The following ARMC3 variants were observed in gnomAD, a reference collection of about 807,000 sequenced individuals.
ARMC3 encodes the protein armadillo repeat-containing protein 3.
A neutral mutation model predicts 90.3 loss-of-function variants in ARMC3; 74 were observed. The observed-to-expected ratio is 0.82, with a 90% CI of 0.68 to 0.99. ARMC3 has a LOEUF of 0.99. Ranked by LOEUF, ARMC3 falls within the 50% of genes least tolerant of loss-of-function variation. The pLI is 0.00. For missense variants in ARMC3, 958 were observed against 1,042.8 expected (o/e 0.92, Z 1.12); for synonymous variants, 334 against 361.8 (o/e 0.92, Z 0.87).
intron 2 of ARMC3, among the ~76,000 whole-genome samples, chr10:22,938,928 AT>A (rs1260474592): frequency 6.6e-6 from 1 of 152,196 alleles, no homozygotes; most frequent in Admixed American, 6.5e-5. Flanking sequence ...TTCAAGTATT[AT>A]TGTATTATTT....
At chr10:23,001,484 G>C (rs974733819) in intron 11 of ARMC3, among the ~76,000 whole-genome samples, 1 of 152,110 alleles carries the variant, frequency 6.6e-6, no homozygotes, top group African/African-American at 2.4e-5. Flanking sequence ...GCTAATCCAG[G>C]ATAACCTCCC....
At chr10:23,000,393 C>T (rs906703721) in intron 11 of ARMC3, among the ~76,000 whole-genome samples, 2 of 152,130 alleles carry the variant, frequency 1.3e-5, no homozygotes, top group East Asian at 3.9e-4. Flanking sequence ...AACTAGGGTA[C>T]ATCTTTCTCT....
intron 13 of ARMC3, among the ~76,000 whole-genome samples, chr10:23,005,384 AT>A (rs1837549749): frequency 6.6e-6 from 1 of 152,126 alleles, no homozygotes; most frequent in Non-Finnish European, 1.5e-5. Context: ...TAACGAGACA[AT>A]TTCTTTTTTA....
At chr10:22,981,144 GA>G (rs1836165090) in intron 8 of ARMC3, among the ~76,000 whole-genome samples, 195 bp from the exon 9 acceptor site, 1 of 151,918 alleles carries the variant, frequency 6.6e-6, no homozygotes, top group African/African-American at 2.4e-5. Context: ...AAGGGAATAG[GA>G]AAAAACATCC....
At chr10:23,036,837 C>T (rs1332583048) in intron 18 of ARMC3, among the ~76,000 whole-genome samples, 1 of 152,186 alleles carries the variant, frequency 6.6e-6, no homozygotes, top group Admixed American at 6.5e-5. Flanking sequence ...CCTCTCCTGC[C>T]CCATGGCACG....
intron 16 of ARMC3, among the ~76,000 whole-genome samples, chr10:23,010,805 C>T (rs1220210101): frequency 8.3e-6 from 1 of 120,448 alleles, no homozygotes; most frequent in Non-Finnish European, 1.7e-5. Flanking sequence ...TTTGCTCTCT[C>T]TCCCTGCTCC....
chr10:23,013,300 C>T (rs1226211056), intron 16 of ARMC3, among the ~76,000 whole-genome samples: 1 of 152,164 alleles, frequency 6.6e-6, no homozygotes, highest in Non-Finnish European at 1.5e-5. Flanking sequence ...CATGGCCCAC[C>T]CTGGAATAGC....
At chr10:23,014,270 G>A (rs1838165334) in intron 16 of ARMC3, 1 of 1,475,322 alleles carries the variant, frequency 6.8e-7, no homozygotes, top group Non-Finnish European at 9.0e-7. Flanking sequence ...GAGGAGAGAT[G>A]GTGTCAGGAA....
chr10:22,971,214 A>G lies in ARMC3; in HGVS notation c.916+2725A>G, dbSNP rs1057146470. Among the ~76,000 whole-genome samples, 5 of 152,084 alleles carry G rather than the reference A, an allele frequency of 3.3e-5. 1 individual carries two copies. Among genetic ancestry groups the G allele is most frequent in the Non-Finnish European group, 5.9e-5 (4 of 68,026 alleles). On this transcript the variant is annotated intron_variant, in intron 8 of 18. Coordinates refer to ENST00000298032, the MANE Select transcript of ARMC3 (RefSeq NM_173081.5). ...CATTCATGTTGTAGCATGTGTCACA[A>G]TTTCCTCCCTTCTTAGGGCCAAAGA...
chr10:22,990,280 C>A (rs1165833243), intron 10 of ARMC3, among the ~76,000 whole-genome samples: 1 of 152,110 alleles, frequency 6.6e-6, no homozygotes, highest in Non-Finnish European at 1.5e-5. Context: ...TGGAAATGGT[C>A]CTTACCACTC....
Position 22,979,578 on chromosome 10 carries a change from T to C in ARMC3, c.917-1762T>C, listed in dbSNP as rs543683558. ...TGGCCAATTTTCCTGATAGAATCCA[T>C]GCTAAGAGGGTTCTGTTTAGAAAAT... On this transcript the variant is annotated intron_variant, in intron 8 of 18. Coordinates refer to ENST00000298032, the MANE Select transcript of ARMC3 (RefSeq NM_173081.5). Among the ~76,000 whole-genome samples the C allele has an allele frequency of 2.0e-5, 3 of 152,312 alleles. No individual in the cohort carries two copies. The South Asian group carries it at 6.2e-4, about 32-fold the overall frequency.
intron 13 of ARMC3, 108 bp downstream of exon 13, chr10:23,003,522 T>C (rs1265529557): frequency 3.0e-6 from 3 of 985,438 alleles, no homozygotes; most frequent in Non-Finnish European, 4.2e-6. Context: ...ATTTATATTT[T>C]TACAGGCAGA....
chr10:23,019,641 C>A (rs1392161214), intron 16 of ARMC3, among the ~76,000 whole-genome samples: 1 of 152,136 alleles, frequency 6.6e-6, no homozygotes, highest in East Asian at 1.9e-4. Flanking sequence ...CTCACTGCAA[C>A]TTCAACCTCC....
intron 6 of ARMC3, 103 bp downstream of exon 6, chr10:22,959,677 C>T: frequency 1.8e-6 from 2 of 1,128,938 alleles, no homozygotes; most frequent in Non-Finnish European, 1.2e-6. Context: ...AGTTTTGCAT[C>T]ATCAGATCTT....
chr10:22,939,240 C>G (rs1261371578), intron 2 of ARMC3, among the ~76,000 whole-genome samples: 1 of 152,194 alleles, frequency 6.6e-6, no homozygotes, highest in Non-Finnish European at 1.5e-5. Context: ...CTGCAGTTTG[C>G]AGGGTAGAGT....
intron 7 of ARMC3, among the ~76,000 whole-genome samples, chr10:22,966,147 G>A (rs771314766): frequency 1.3e-5 from 2 of 152,172 alleles, no homozygotes; most frequent in Non-Finnish European, 2.9e-5. Flanking sequence ...GGTGCAGCTG[G>A]TATCTCTGCT....
rs139020743 is a variant in ARMC3, at chr10:22,973,664, T to C, written c.916+5175T>C. 9.2e-3 allele frequency among the ~76,000 whole-genome samples: 1,388 copies of C among 151,648 alleles called. 26 individuals carry two copies. Among genetic ancestry groups the C allele is most frequent in the African/African-American group, 0.032 (1,315 of 41,442 alleles). ...GTTTTATCCTTATTCTTTTTTTAGC[T>C]ATATGATCTGTCACAGATGAAGAGT... On this transcript the variant is annotated intron_variant, in intron 8 of 18. Transcript: ENST00000298032.
intron 17 of ARMC3, chr10:23,031,040 T>G (rs1838908451): frequency 7.2e-6 from 3 of 418,810 alleles, no homozygotes; most frequent in Non-Finnish European, 8.5e-6. Flanking sequence ...TTTCTTCAGC[T>G]AGACCATGAA....
At chr10:23,023,375 G>A in intron 16 of ARMC3, among the ~76,000 whole-genome samples, 1 of 152,156 alleles carries the variant, frequency 6.6e-6, no homozygotes, top group East Asian at 1.9e-4. Context: ...GAGACTGCTT[G>A]CTAAAATACA....
Sources: gnomAD v4.1 joint callset for allele counts (sites outside exome capture counted in the v4.1 genomes callset) on GRCh38, gnomAD v4.1.1 for gene constraint, MANE v1.5 for transcripts, NCBI Gene and HGNC (gene_info 2026-07-23, HGNC 2026-07-21) for gene names.